Variants in SRRM2 observed in about 807,000 individuals in gnomAD.
SRRM2 encodes serine/arginine repetitive matrix protein 2.
SRRM2 carries 30 observed loss-of-function variants against 213.8 expected under a neutral mutation model. That is an observed-to-expected ratio of 0.14 (90% CI 0.10 to 0.19). SRRM2 has a LOEUF of 0.19. Ranked by LOEUF, SRRM2 falls within the 10% of genes least tolerant of loss-of-function variation. The pLI, the probability that SRRM2 is intolerant of heterozygous loss-of-function variation, is 1.00. For synonymous variants in SRRM2, 2,025 were observed against 1,377.7 expected, an observed-to-expected ratio of 1.47 and a Z score of -10.40; for missense variants, 4,904 against 3,647.0, an observed-to-expected ratio of 1.34 and a Z score of -8.88.
In SRRM2 at chr16:2,765,560, C is replaced by T; in HGVS notation, c.5032C>T (p.Pro1678Ser). Residue 1678 changes from proline to serine, a missense_variant, in exon 11 of 15, where the codon CCC becomes TCC. Transcript: ENST00000301740. Reference protein sequence around the residue: ...ARRGSRSSPEPKTKSRTPPRR... With the variant: ...ARRGSRSSPESKTKSRTPPRR... ...CAGAGGTTCCAGGTCATCACCAGAG[C>T]CCAAGACCAAGTCTCGTACACCACC... 1 of 1,614,186 alleles carries T rather than the reference C, an allele frequency of 6.2e-7. No individual in the cohort carries two copies. Among genetic ancestry groups the T allele is most frequent in the Non-Finnish European group, 8.5e-7 (1 of 1,180,024 alleles).
chr16:2,769,513 T>C, intron 12 of SRRM2: 1 of 626,786 alleles, frequency 1.6e-6, no homozygotes, highest in Non-Finnish European at 2.9e-6. Flanking sequence ...CCTTGGTTTC[T>C]TCCTCTCCCT....
rs2068546718 is a variant in SRRM2, at chr16:2,766,456, T to G, written c.5928T>G (p.Pro1976=). The G allele has an allele frequency of 1.2e-6, 2 of 1,613,934 alleles. No homozygotes were observed. Among genetic ancestry groups the G allele is most frequent in the Admixed American group, 1.7e-5 (1 of 60,000 alleles). The change falls in exon 11 of 15, where the codon CCT becomes CCG. Residue 1976 remains proline (P), a synonymous_variant. Coordinates refer to ENST00000301740, the MANE Select transcript of SRRM2 (RefSeq NM_016333.4). The surrounding 1 kb of genome is among the most constrained non-coding windows in gnomAD (Gnocchi z 7.0). ...GGCGATCTCGAAGCAGAACTTCGCC[T>G]ATCACTCGCAGAAGATCAAGATCCA... ...TRRRSRSRTS[P]ITRRRSRSRT... is the part of the protein sequence containing the mutation.
chr16:2,767,588 G>C lies in SRRM2; in HGVS notation c.7060G>C (p.Gly2354Arg), dbSNP rs561602359. Residue 2354 changes from glycine (G) to arginine (R), a missense_variant, in exon 11 of 15, where the codon GGC becomes CGC. Gly to Arg is a moderately radical substitution (Grantham distance 125, BLOSUM62 -2). Transcript: ENST00000301740. ...TGCCACAGCTCCTGTGAATATTGCC[G>C]GCTCCAGAACCGCCGCAGCCTTGGC... Reference protein sequence around the residue: ...AHATAPVNIAGSRTAAALAPA... With the variant: ...AHATAPVNIARSRTAAALAPA... 6.2e-7 allele frequency: 1 copy of C among 1,614,046 alleles called. No homozygotes were observed. The highest frequency in any genetic ancestry group is 2.2e-5 in the East Asian group (1 of 44,898).
rs768757211 is a variant in SRRM2, at chr16:2,768,240, A to C, written c.7712A>C (p.Gln2571Pro). 9.6e-6 allele frequency: 15 copies of C among 1,561,944 alleles called. No homozygotes were observed. The highest frequency in any genetic ancestry group is 1.3e-5 in the Non-Finnish European group (15 of 1,155,222). The change falls in exon 11 of 15, where the codon CAA (glutamine) becomes CCA (proline). Residue 2571 changes from glutamine to proline, a missense_variant. Transcript: ENST00000301740. ...SDSEGSSLPV[Q>P]PEVALKRVPS... ...TCAGAGGGCTCTAGCCTTCCTGTGCAACCTGAGGTGGCACTGAAGAGGTGA... is the reference window on the plus strand; with the variant it reads ...TCAGAGGGCTCTAGCCTTCCTGTGCCACCTGAGGTGGCACTGAAGAGGTGA...
At chr16:2,768,635 G>A (rs886367493) in intron 11 of SRRM2, 3 of 635,438 alleles carry the variant, frequency 4.7e-6, no homozygotes, top group East Asian at 3.3e-5. Context: ...CAGGCAGGAC[G>A]GCCCCTTCCC....
Position 2,766,990 on chromosome 16 carries a change from C to T in SRRM2, c.6462C>T (p.Gly2154=). The change falls in exon 11 of 15, where the codon GGC becomes GGT. Residue 2154 remains glycine, a synonymous_variant. Coordinates refer to ENST00000301740, the MANE Select transcript of SRRM2 (RefSeq NM_016333.4). The surrounding 1 kb of genome is among the most constrained non-coding windows in gnomAD (Gnocchi z 7.0). The part of the protein sequence containing the change: ...TPMSVLQQAG[G]SMMDGPGPRI... Reference sequence around the variant, plus strand: ...TGTCTGTCCTGCAGCAAGCCGGCGGCTCCATGATGGATGGTCCAGGTCCCC... The same window carrying T: ...TGTCTGTCCTGCAGCAAGCCGGCGGTTCCATGATGGATGGTCCAGGTCCCC... The T allele has an allele frequency of 1.2e-6, 2 of 1,614,192 alleles. No individual in the cohort carries two copies. Among genetic ancestry groups the T allele is most frequent in the East Asian group, 2.2e-5 (1 of 44,886 alleles).
chr16:2,767,228 G>A lies in SRRM2; in HGVS notation c.6700G>A (p.Ala2234Thr). The change falls in exon 11 of 15, where the codon GCA becomes ACA. Residue 2234 changes from alanine (A) to threonine (T), a missense_variant. Ala to Thr is a moderately conservative substitution (Grantham distance 58). Coordinates refer to ENST00000301740, the MANE Select transcript of SRRM2 (RefSeq NM_016333.4). ...PAANLASRIP[A>T]ASAAAMNLAS... ...AGCCAACCTTGCCAGCAGGATTCCTGCAGCCTCTGCGGCAGCCATGAACCT... is the reference window on the plus strand; with the variant it reads ...AGCCAACCTTGCCAGCAGGATTCCTACAGCCTCTGCGGCAGCCATGAACCT... 1 of 1,614,136 alleles carries A rather than the reference G, an allele frequency of 6.2e-7. No individual in the cohort carries two copies. The highest frequency in any genetic ancestry group is 8.5e-7 in the Non-Finnish European group (1 of 1,180,044).
In SRRM2 at chr16:2,762,335, A is replaced by G. The variant is rs775284264; in HGVS notation, c.1807A>G (p.Arg603Gly). The G allele has an allele frequency of 1.2e-6, 2 of 1,614,032 alleles. No homozygotes were observed. Among genetic ancestry groups the G allele is most frequent in the Non-Finnish European group, 1.7e-6 (2 of 1,179,890 alleles). Residue 603 changes from arginine (R) to glycine (G), a missense_variant, in exon 11 of 15, where the codon AGG becomes GGG. By Grantham distance (125) the Arg-to-Gly change is moderately radical (BLOSUM62 -2). Transcript: ENST00000301740. ...ACGATCCAGAACTCCCACCAGGCGT[A>G]GGTCTCGGTCTAGAACACCAGCCCG... is the stretch of plus-strand genomic sequence containing the variant. ...RSRSRTPTRR[R>G]SRSRTPARRG... is the part of the protein sequence containing the mutation.
rs758601130 is a variant in SRRM2, at chr16:2,767,481, C to A, written c.6953C>A (p.Pro2318Gln). 3.1e-6 allele frequency: 5 copies of A among 1,614,080 alleles called. No individual in the cohort carries two copies. Among genetic ancestry groups the A allele is most frequent in the East Asian group, 4.5e-5 (2 of 44,896 alleles). Residue 2318 changes from proline (P) to glutamine (Q), a missense_variant, in exon 11 of 15, where the codon CCA becomes CAA. Coordinates refer to ENST00000301740, the MANE Select transcript of SRRM2 (RefSeq NM_016333.4). ...AGTCTCACAGGCTCTGGCACACCAC[C>A]AACTGCTGCAAACTATCCCTCCAGC... ...ALSLTGSGTPPTAANYPSSSR... is the reference protein window; with the variant it reads ...ALSLTGSGTPQTAANYPSSSR...
rs772226945 is a variant in SRRM2 at position 2,770,922 on chromosome 16, C to T, written c.*55C>T. ...ATGCTCTGGAGCCACAAGGAGTGTC[C>T]CTTCTTCCCCAGCAGAGCCGTGGGA... On this transcript the variant is annotated 3_prime_UTR_variant, in exon 15 of 15. Coordinates refer to ENST00000301740, the MANE Select transcript of SRRM2 (RefSeq NM_016333.4). 1.9e-6 allele frequency: 3 copies of T among 1,610,550 alleles called. No homozygotes were observed. The highest frequency in any genetic ancestry group is 2.7e-5 in the African/African-American group (2 of 74,982).
chr16:2,762,131 A>G lies in SRRM2; in HGVS notation c.1603A>G (p.Arg535Gly), dbSNP rs1262977878. 2 of 1,613,080 alleles carry G rather than the reference A, an allele frequency of 1.2e-6. No homozygotes were observed. Among genetic ancestry groups the G allele is most frequent in the Non-Finnish European group, 1.7e-6 (2 of 1,179,792 alleles). ...AAGCCCCCAGCGACGTGGCCGCTCT[A>G]GGTCTCCTCAGCGACCAGGCTGGTC... ...SRSPQRRGRS[R>G]SPQRPGWSRS... Residue 535 changes from arginine (R) to glycine (G), a missense_variant, in exon 11 of 15, where the codon AGG becomes GGG. Coordinates refer to ENST00000301740, the MANE Select transcript of SRRM2 (RefSeq NM_016333.4).
chr16:2,760,312 C>A lies in SRRM2; in HGVS notation c.845C>A (p.Ala282Asp), dbSNP rs376111841. The stretch of plus-strand genomic sequence containing the variant: ...ATTAACTCCTGCAGGTCTCGAAGTG[C>A]TGCAGCTAAAACTCATACAACTGCC... The part of the protein sequence containing the change: ...SDTSRSRSRS[A>D]AAKTHTTALA... Residue 282 changes from alanine (A) to aspartate (D), a missense_variant, in exon 10 of 15, where the codon GCT becomes GAT. Coordinates refer to ENST00000301740, the MANE Select transcript of SRRM2 (RefSeq NM_016333.4). 6.0e-5 allele frequency: 97 copies of A among 1,613,332 alleles called. No individual in the cohort carries two copies. The highest frequency in any genetic ancestry group is 7.9e-5 in the Non-Finnish European group (93 of 1,179,958).
rs1399271792 is a variant in SRRM2, at chr16:2,770,146, G to GC, written c.8022-205dup. 2.8e-6 allele frequency: 4 copies of GC among 1,430,060 alleles called. No individual in the cohort carries two copies. In the Admixed American group the frequency reaches 1.2e-4, roughly 42 times the overall value. 88.6% of individuals were successfully genotyped at this position (1,430,060 alleles called of 1,614,324 possible). On this transcript the variant is annotated intron_variant, in intron 12 of 14. Transcript: ENST00000301740. ...AAGGGCAGGGACTGTCTTTATCTTT[G>GC]CATCCCCCGCTGCACCCTGTGCCTG...
chr16:2,758,873 G>T, intron 5 of SRRM2, 112 bp from the exon 6 acceptor site: 1 of 1,156,186 alleles, frequency 8.6e-7, no homozygotes, highest in South Asian at 1.4e-5. Flanking sequence ...TGGGGCATTA[G>T]TGCTATTAGG....
rs1189440043 is a variant in SRRM2, at chr16:2,771,386, G to A, written c.*519G>A. On this transcript the variant is annotated 3_prime_UTR_variant, in exon 15 of 15. Coordinates refer to ENST00000301740, the MANE Select transcript of SRRM2 (RefSeq NM_016333.4). ...CTGTACAGCAAGAGCAACTTTTTCTGTCAAATAAAAATGAGAAATGCAGGA... is the reference window on the plus strand; with the variant it reads ...CTGTACAGCAAGAGCAACTTTTTCTATCAAATAAAAATGAGAAATGCAGGA... The A allele has an allele frequency of 1.9e-6, 3 of 1,607,020 alleles. No individual in the cohort carries two copies. The highest frequency in any genetic ancestry group is 2.6e-6 in the Non-Finnish European group (3 of 1,174,268).
chr16:2,764,826 G>A lies in SRRM2; in HGVS notation c.4298G>A (p.Arg1433Lys). 1 of 1,614,194 alleles carries A rather than the reference G, an allele frequency of 6.2e-7. No individual in the cohort carries two copies. The highest frequency in any genetic ancestry group is 8.5e-7 in the Non-Finnish European group (1 of 1,180,048). The change falls in exon 11 of 15, where the codon AGA becomes AAA. Residue 1433 changes from arginine (R) to lysine (K), a missense_variant. Transcript: ENST00000301740. ...SSPEMKDGLPRTPSRRSRSGS... is the reference protein window; with the variant it reads ...SSPEMKDGLPKTPSRRSRSGS... Reference sequence around the variant, plus strand: ...CCTGAAATGAAAGATGGTTTACCCAGAACTCCATCAAGGAGAAGCAGGTCT... The same window carrying A: ...CCTGAAATGAAAGATGGTTTACCCAAAACTCCATCAAGGAGAAGCAGGTCT...
At chr16:2,757,333 A>G (rs2068179927) in intron 2 of SRRM2, 139 bp from the exon 3 acceptor site, 1 of 646,540 alleles carries the variant, frequency 1.5e-6, no homozygotes, top group Non-Finnish European at 2.8e-6. Flanking sequence ...AAGATCAGAC[A>G]GAAGGGACTT....
chr16:2,762,618 C>T lies in SRRM2; in HGVS notation c.2090C>T (p.Pro697Leu), dbSNP rs375811330. 4 of 1,614,120 alleles carry T rather than the reference C, an allele frequency of 2.5e-6. No individual in the cohort carries two copies. Among genetic ancestry groups the T allele is most frequent in the Non-Finnish European group, 3.4e-6 (4 of 1,180,024 alleles). The stretch of plus-strand genomic sequence containing the variant: ...AGAGGGAGGTCTCGGTCTAGGACAC[C>T]AAGACGAGGAAGATCCCGCAGTAGA... ...ARRGRSRSRT[P>L]RRGRSRSRSL... Residue 697 changes from proline to leucine, a missense_variant, in exon 11 of 15, where the codon CCA (proline) becomes CTA (leucine). Physicochemically the swap from Pro to Leu is moderately conservative, Grantham distance 98. Coordinates refer to ENST00000301740, the MANE Select transcript of SRRM2 (RefSeq NM_016333.4).
At position 2,766,255 on chromosome 16, in the gene SRRM2, A is replaced by T. The variant is rs776278510; in HGVS notation, c.5727A>T (p.Arg1909=). ...GGTCCAGGACTTCAGTGACTCGACG[A>T]AGATCCCGGTCAAGAGCATCCCCAG... ...RSRSRTSVTR[R]RSRSRASPVS... The change falls in exon 11 of 15, where the codon CGA becomes CGT. Residue 1909 remains arginine, a synonymous_variant. Transcript: ENST00000301740. The surrounding 1 kb of genome is among the most constrained non-coding windows in gnomAD (Gnocchi z 7.0). 2 of 1,614,154 alleles carry T rather than the reference A, an allele frequency of 1.2e-6. No homozygotes were observed. Among genetic ancestry groups the T allele is most frequent in the Non-Finnish European group, 1.7e-6 (2 of 1,180,030 alleles).
Sources: gnomAD v4.1 joint callset for allele counts on GRCh38, gnomAD v4.1.1 for gene constraint, Gnocchi (gnomAD v3.1) non-coding constraint, MANE v1.5 for transcripts, NCBI Gene and HGNC (gene_info 2026-07-23, HGNC 2026-07-21) for gene names.